NRBP2: variants seen among roughly 807,000 people sequenced by gnomAD.
The protein encoded by NRBP2 is nuclear receptor binding protein 2.
A neutral mutation model predicts 74.4 loss-of-function variants in NRBP2; 47 were observed. That is an observed-to-expected ratio of 0.63 (90% confidence interval 0.50 to 0.81). The LOEUF is 0.81. Among genes scored for constraint, NRBP2 ranks in the 30% least tolerant of loss-of-function variants. The probability of loss-of-function intolerance (pLI) is 0.00; values close to 1 mark genes in which losing one functional copy is unlikely to be tolerated. For synonymous variants in NRBP2, 312 were observed against 273.8 expected, an observed-to-expected ratio of 1.14 and a Z score of -1.38; for missense variants, 613 against 690.1, an observed-to-expected ratio of 0.89 and a Z score of 1.25.
At chr8:143,830,372 G>A (rs567335721), downstream of NRBP2, among the ~76,000 whole-genome samples, 87 of 152,340 alleles carry the variant, frequency 5.7e-4, no homozygotes, top group African/African-American at 1.4e-3. Context: ...CCTACCCACC[G>A]GGGCTGGCAG....
Position 143,839,390 on chromosome 8 carries a change from G to A in NRBP2, c.504C>T (p.Ser168=), listed in dbSNP as rs782656918. The change falls in exon 6 of 18, where the codon AGC becomes AGT. Residue 168 remains serine, a synonymous_variant. Coordinates refer to ENST00000442628, the MANE Select transcript of NRBP2 (RefSeq NM_178564.4). The surrounding 1 kb of genome is among the most constrained non-coding windows in gnomAD (Gnocchi z 5.1). ...LSALSFLHAC[S]PPIIHGNLTS... ...TCAGGTTCCCGTGGATGATTGGGGGGCTGCAGGCGTGCAGGAAGCTGCAGA... is the reference window on the plus strand; with the variant it reads ...TCAGGTTCCCGTGGATGATTGGGGGACTGCAGGCGTGCAGGAAGCTGCAGA... 2.5e-5 allele frequency: 40 copies of A among 1,583,054 alleles called. No homozygotes were observed. Among genetic ancestry groups the A allele is most frequent in the Non-Finnish European group, 3.1e-5 (36 of 1,172,114 alleles).
chr8:143,837,863 C>T lies in NRBP2; in HGVS notation c.841-108G>A, dbSNP rs1554652386. Reference sequence around the variant, plus strand: ...TTCCCCATGTCCCTCCTCAGGGACACACAGGACATGCAGGGATGCCCATAG... The same window carrying T: ...TTCCCCATGTCCCTCCTCAGGGACATACAGGACATGCAGGGATGCCCATAG... On this transcript the variant is annotated intron_variant, in intron 10 of 17. Coordinates refer to ENST00000442628, the MANE Select transcript of NRBP2 (RefSeq NM_178564.4). The surrounding 1 kb of genome is among the most constrained non-coding windows in gnomAD (Gnocchi z 4.3). 1 of 1,343,396 alleles carries T rather than the reference C, an allele frequency of 7.4e-7. No individual in the cohort carries two copies. The highest frequency in any genetic ancestry group is 1.2e-5 in the South Asian group (1 of 80,132). The allele number at this position is 1,343,396 out of a possible 1,614,324, so 83.2% of individuals were successfully genotyped here. A position where few individuals can be genotyped will look rare whatever the true frequency, so the allele number is the denominator to read the frequency against.
At position 143,837,672 on chromosome 8, in the gene NRBP2, C is replaced by A. The variant is rs1409214351; in HGVS notation, c.924G>T (p.Glu308Asp). Residue 308 changes from glutamate to aspartate, a missense_variant, in exon 11 of 18, where the codon GAG becomes GAT. Coordinates refer to ENST00000442628, the MANE Select transcript of NRBP2 (RefSeq NM_178564.4). This position sits in a 1 kb window ranked among gnomAD's most constrained non-coding sequence, Gnocchi z 4.3. ...HSLLFHRVLF[E>D]VHSLKLLAAH... ...CTGCCAGGAGCTTCAGCGAGTGCAC[C>A]TCGAAGAGCACGCGGTGGAAGAGGA... 17 of 1,590,774 alleles carry A rather than the reference C, an allele frequency of 1.1e-5. No homozygotes were observed. Among genetic ancestry groups the A allele is most frequent in the Admixed American group, 8.9e-5 (5 of 56,292 alleles).
Position 143,837,530 on chromosome 8 carries a change from A to C in NRBP2, c.974-21T>G. ...GAGGTCTGCGGCCACAAGAGCATCAAGGCGGTGTGCTCAGGCCGTGGGTCC... is the reference window on the plus strand; with the variant it reads ...GAGGTCTGCGGCCACAAGAGCATCACGGCGGTGTGCTCAGGCCGTGGGTCC... On this transcript the variant is annotated intron_variant, in intron 11 of 17. Coordinates refer to ENST00000442628, the MANE Select transcript of NRBP2 (RefSeq NM_178564.4). This position sits in a 1 kb window ranked among gnomAD's most constrained non-coding sequence, Gnocchi z 4.3. The C allele has an allele frequency of 6.2e-7, 1 of 1,603,654 alleles. No homozygotes were observed. The highest frequency in any genetic ancestry group is 1.1e-5 in the South Asian group (1 of 89,076).
chr8:143,838,942 A>C lies in NRBP2; in HGVS notation c.689-4T>G. ...ACAGCGGTCCCATCGGCCACCTCTG[A>C]ACAGAAGAGAGCACAGGACACGTAG... On this transcript the variant is annotated splice_polypyrimidine_tract_variant and splice_region_variant and intron_variant, in intron 8 of 17. Transcript: ENST00000442628. The C allele has an allele frequency of 6.2e-7, 1 of 1,602,992 alleles. No individual in the cohort carries two copies. Among genetic ancestry groups the C allele is most frequent in the Non-Finnish European group, 8.5e-7 (1 of 1,174,608 alleles).
chr8:143,839,755 T>C lies in NRBP2; in HGVS notation c.425A>G (p.His142Arg). 6.5e-7 allele frequency: 1 copy of C among 1,533,248 alleles called. No individual in the cohort carries two copies. Among genetic ancestry groups the C allele is most frequent in the Non-Finnish European group, 8.7e-7 (1 of 1,145,020 alleles). The allele number at this position is 1,533,248 out of a possible 1,614,324, so 95.0% of individuals were successfully genotyped here. Residue 142 changes from histidine to arginine, a missense_variant, in exon 4 of 18, where the codon CAC becomes CGC. Around this residue, in one of 2 missense-constraint regions of NRBP2, gnomAD observed 332 missense variants for 429.2 expected, o/e 0.77. Transcript: ENST00000442628. The surrounding 1 kb of genome is among the most constrained non-coding windows in gnomAD (Gnocchi z 5.1). ...CCATACCCGGGCGTTCATGGCCTTG[T>C]GGTTCTTCTTGGTCTTTTTGAGGAA... is the stretch of plus-strand genomic sequence containing the variant. Reference protein sequence around the residue: ...KQFLKKTKKNHKAMNARAWKR... With the variant: ...KQFLKKTKKNRKAMNARAWKR...
downstream of NRBP2, chr8:143,829,927 A>G (rs1295244562): frequency 6.6e-6 from 1 of 152,266 alleles, no homozygotes; most frequent in Non-Finnish European, 1.5e-5. Flanking sequence ...ACTGGCTTTC[A>G]TGGCCCAAGG....
At chr8:143,830,409 CCA>C (rs1469424719), downstream of NRBP2, among the ~76,000 whole-genome samples, 1 of 152,232 alleles carries the variant, frequency 6.6e-6, no homozygotes, top group Admixed American at 6.5e-5. Flanking sequence ...GACGTGAGCT[CCA>C]GGAGAGGAGC....
chr8:143,837,663 C>T lies in NRBP2; in HGVS notation c.933G>A (p.Ser311=), dbSNP rs142885279. ...AGCAGTGGGCTGCCAGGAGCTTCAGCGAGTGCACCTCGAAGAGCACGCGGT... is the reference window on the plus strand; with the variant it reads ...AGCAGTGGGCTGCCAGGAGCTTCAGTGAGTGCACCTCGAAGAGCACGCGGT... The part of the protein sequence containing the change: ...LFHRVLFEVH[S]LKLLAAHCFI... Residue 311 remains serine (S), a synonymous_variant, in exon 11 of 18, where the codon TCG becomes TCA. Transcript: ENST00000442628. This position sits in a 1 kb window ranked among gnomAD's most constrained non-coding sequence, Gnocchi z 4.3. 8.8e-6 allele frequency: 14 copies of T among 1,595,344 alleles called. No individual in the cohort carries two copies. The highest frequency in any genetic ancestry group is 1.7e-4 in the Middle Eastern group (1 of 6,040).
rs2130525145 is a variant in NRBP2, at chr8:143,835,865, G to A, written c.1392C>T (p.Ala464=). ...GCACGAGCTCCGAGGCGAGGTCCTG[G>A]GCGCTGTCCGCTGAGGCAATGGCGT... ...LTYDLLPTDS[A]QDLASELVHY... The change falls in exon 17 of 18, where the codon GCC becomes GCT. Residue 464 remains alanine, a synonymous_variant. Transcript: ENST00000442628. This position sits in a 1 kb window ranked among gnomAD's most constrained non-coding sequence, Gnocchi z 4.9. 1 of 1,600,988 alleles carries A rather than the reference G, an allele frequency of 6.2e-7. No homozygotes were observed. The highest frequency in any genetic ancestry group is 2.2e-5 in the East Asian group (1 of 44,526).
Position 143,838,795 on chromosome 8 carries a change from C to A in NRBP2, c.745-20G>T. 1 of 1,611,654 alleles carries A rather than the reference C, an allele frequency of 6.2e-7. No individual in the cohort carries two copies. Among genetic ancestry groups the A allele is most frequent in the Non-Finnish European group, 8.5e-7 (1 of 1,178,726 alleles). ...AGCCATCTGGGGCACAGAGCCAGGTCAGGCATGGGGAAGGGACCACACAGG... is the reference window on the plus strand; with the variant it reads ...AGCCATCTGGGGCACAGAGCCAGGTAAGGCATGGGGAAGGGACCACACAGG... On this transcript the variant is annotated intron_variant, in intron 9 of 17. Coordinates refer to ENST00000442628, the MANE Select transcript of NRBP2 (RefSeq NM_178564.4).
rs782116243 is a variant in NRBP2 at position 143,839,353 on chromosome 8, T to C, written c.541A>G (p.Ile181Val). Residue 181 changes from isoleucine to valine, a missense_variant, in exon 6 of 18, where the codon ATC becomes GTC. Ile to Val is a conservative substitution (Grantham distance 29, BLOSUM62 3). Transcript: ENST00000442628. This position sits in a 1 kb window ranked among gnomAD's most constrained non-coding sequence, Gnocchi z 5.1. ...IIHGNLTSDT[I>V]FIQHNGLIKI... is the part of the protein sequence containing the mutation. ...ATGAGGCCGTTGTGCTGAATGAAGA[T>C]GGTGTCGCTGGTCAGGTTCCCGTGG... 6 of 1,590,244 alleles carry C rather than the reference T, an allele frequency of 3.8e-6. No individual in the cohort carries two copies. The South Asian group carries it at 5.6e-5, about 15-fold the overall frequency.
At position 143,839,529 on chromosome 8, in the gene NRBP2, C is replaced by T. The variant is rs1294235976; in HGVS notation, c.465G>A (p.Thr155=). Residue 155 remains threonine (T), a synonymous_variant, in exon 5 of 18, where the codon ACG becomes ACA. Coordinates refer to ENST00000442628, the MANE Select transcript of NRBP2 (RefSeq NM_178564.4). This position sits in a 1 kb window ranked among gnomAD's most constrained non-coding sequence, Gnocchi z 5.1. The part of the protein sequence containing the change: ...MNARAWKRWC[T]QILSALSFLH... ...CTCACCTGAGCGCAGACAGGATCTG[C>T]GTGCACCAGCGCTTCCAGGCCTGGC... The T allele has an allele frequency of 3.3e-6, 5 of 1,532,318 alleles. No homozygotes were observed. Among genetic ancestry groups the T allele is most frequent in the East Asian group, 4.9e-5 (2 of 40,838 alleles). The allele number at this position is 1,532,318 out of a possible 1,614,324, so 94.9% of individuals were successfully genotyped here. A position where few individuals can be genotyped will look rare whatever the true frequency, so the allele number is the denominator to read the frequency against.
At position 143,839,426 on chromosome 8, in the gene NRBP2, G is replaced by C. The variant is rs1002245188; in HGVS notation, c.486-18C>G. 1 of 1,549,598 alleles carries C rather than the reference G, an allele frequency of 6.5e-7. No homozygotes were observed. The highest frequency in any genetic ancestry group is 2.4e-5 in the East Asian group (1 of 41,656). On this transcript the variant is annotated intron_variant, in intron 5 of 17. Transcript: ENST00000442628. This position sits in a 1 kb window ranked among gnomAD's most constrained non-coding sequence, Gnocchi z 5.1. ...GCAGGAAGCTGCAGACGTTGGGGAGGGGAGAGTAGGAGGAGCCGGTCAGGA... is the reference window on the plus strand; with the variant it reads ...GCAGGAAGCTGCAGACGTTGGGGAGCGGAGAGTAGGAGGAGCCGGTCAGGA...
chr8:143,835,570 T>A lies in NRBP2; in HGVS notation c.*92A>T. On this transcript the variant is annotated 3_prime_UTR_variant, in exon 18 of 18. Transcript: ENST00000442628. The surrounding 1 kb of genome is among the most constrained non-coding windows in gnomAD (Gnocchi z 4.9). ...CGGGGCCTTTGTGCTCCCAGGCGCA[T>A]GGAGGAGGGCAGCCCCACGGTGCTG... 9.2e-7 allele frequency: 1 copy of A among 1,082,506 alleles called. No homozygotes were observed. 67.1% of individuals were successfully genotyped at this position (1,082,506 alleles called of 1,614,324 possible). A position where few individuals can be genotyped will look rare whatever the true frequency, so the allele number is the denominator to read the frequency against.
Position 143,835,867 on chromosome 8 carries a change from C to A in NRBP2, c.1390G>T (p.Ala464Ser). ...LTYDLLPTDS[A>S]QDLASELVHY... ...ACGAGCTCCGAGGCGAGGTCCTGGG[C>A]GCTGTCCGCTGAGGCAATGGCGTAA... Residue 464 changes from alanine to serine, a missense_variant, in exon 17 of 18, where the codon GCC becomes TCC. Transcript: ENST00000442628. The surrounding 1 kb of genome is among the most constrained non-coding windows in gnomAD (Gnocchi z 4.9). The A allele has an allele frequency of 2.5e-6, 4 of 1,599,932 alleles. No individual in the cohort carries two copies. Among genetic ancestry groups the A allele is most frequent in the Non-Finnish European group, 3.4e-6 (4 of 1,176,784 alleles).
At position 143,839,454 on chromosome 8, in the gene NRBP2, C is replaced by T. The variant is rs1554652988; in HGVS notation, c.486-46G>A. The stretch of plus-strand genomic sequence containing the variant: ...AGAGTAGGAGGAGCCGGTCAGGAGG[C>T]TCTGGAGAGATGGGGGCTCGGTGGC... On this transcript the variant is annotated intron_variant, in intron 5 of 17. Transcript: ENST00000442628. The surrounding 1 kb of genome is among the most constrained non-coding windows in gnomAD (Gnocchi z 5.1). The T allele has an allele frequency of 2.0e-6, 3 of 1,534,442 alleles. No individual in the cohort carries two copies. Among genetic ancestry groups the T allele is most frequent in the Non-Finnish European group, 2.6e-6 (3 of 1,145,796 alleles).
chr8:143,838,555 G>A (rs1330972850), intron 10 of NRBP2, 125 bp downstream of exon 10: 3 of 696,778 alleles, frequency 4.3e-6, no homozygotes, highest in Non-Finnish European at 7.3e-6. Context: ...TGGGAGGGGT[G>A]CAGTCAGCTG....
At chr8:143,838,821 T>G in intron 9 of NRBP2, 46 bp from the exon 10 acceptor site, 1 of 1,611,556 alleles carries the variant, frequency 6.2e-7, no homozygotes, top group Non-Finnish European at 8.5e-7. Flanking sequence ...ACCACACAGG[T>G]GAGCCAGGCA....
Sources: gnomAD v4.1 joint callset for allele counts (sites outside exome capture counted in the v4.1 genomes callset) on GRCh38, gnomAD v4.1.1 for gene constraint, gnomAD v4.1.1 regional missense constraint, Gnocchi (gnomAD v3.1) non-coding constraint, MANE v1.5 for transcripts, NCBI Gene and HGNC (gene_info 2026-07-23, HGNC 2026-07-21) for gene names.